Variants in PLCH1 observed in about 807,000 individuals in gnomAD.
The protein encoded by PLCH1 is 1-phosphatidylinositol 4,5-bisphosphate phosphodiesterase eta-1.
A neutral mutation model predicts 126.7 loss-of-function variants in PLCH1; 60 were observed. The observed-to-expected ratio is 0.47, with a 90% CI of 0.38 to 0.59. PLCH1 has a LOEUF of 0.59. PLCH1 is among the 20% of genes least tolerant of loss of function. PLCH1 has a pLI of 0.00. For synonymous variants in PLCH1, 719 were observed against 734.9 expected, an observed-to-expected ratio of 0.98 and a Z score of 0.35; for missense variants, 1,723 against 2,040.0, an observed-to-expected ratio of 0.84 and a Z score of 2.99.
intron 2 of PLCH1, among the ~76,000 whole-genome samples, chr3:155,634,775 G>C (rs963288129): frequency 1.3e-5 from 2 of 152,158 alleles, no homozygotes; most frequent in Non-Finnish European, 2.9e-5. Flanking sequence ...GGAGAACTGC[G>C]GGCAGAGAAA....
chr3:155,564,821 T>C (rs542147206), intron 8 of PLCH1, 94 bp downstream of exon 8: 53 of 737,886 alleles, frequency 7.2e-5, no homozygotes, highest in South Asian at 5.6e-4. Context: ...TGTGAGAGTG[T>C]GTTTTAGGTC....
rs796130045 is a variant in PLCH1, at chr3:155,524,735, A to G, written c.1363-731T>C. On this transcript the variant is annotated intron_variant, in intron 10 of 22. Transcript: ENST00000460012. ...CAAAAATAGATGACTTGGAACCTGG[A>G]GCCAGGCCCAGTGGCTCACACCTGT... 2.6e-5 allele frequency among the ~76,000 whole-genome samples: 4 copies of G among 152,142 alleles called. No individual in the cohort carries two copies. The South Asian group carries it at 8.3e-4, about 32-fold the overall frequency.
chr3:155,497,256 C>T, intron 15 of PLCH1, 64 bp downstream of exon 15: 3 of 1,161,932 alleles, frequency 2.6e-6, no homozygotes, highest in Non-Finnish European at 3.8e-6. Context: ...AATTCATTAA[C>T]AATTGAAAAA....
Position 155,717,060 on chromosome 3 carries a change from T to C in PLCH1, c.-40-12796A>G, listed in dbSNP as rs573366522. ...CAAAAGAAAGGGGCCACAGGCCCCA[T>C]GCAAGCTCAAAACCCAGCAGGGCAG... is the stretch of plus-strand genomic sequence containing the variant. On this transcript the variant is annotated intron_variant, in intron 1 of 22. Transcript: ENST00000460012. Among the ~76,000 whole-genome samples the C allele has an allele frequency of 1.2e-3, 190 of 152,384 alleles. 1 individual carries two copies. Among genetic ancestry groups the C allele is most frequent in the Non-Finnish European group, 2.2e-3 (147 of 68,036 alleles).
At position 155,682,034 on chromosome 3, in the gene PLCH1, A is replaced by G. The variant is rs1267710227; in HGVS notation, c.79+22112T>C. Reference sequence around the variant, plus strand: ...AATATCTGGTTCTGAAGCAGAGGGTAGCACTATCCATTATTTGGCCTGTGC... The same window carrying G: ...AATATCTGGTTCTGAAGCAGAGGGTGGCACTATCCATTATTTGGCCTGTGC... On this transcript the variant is annotated intron_variant, in intron 2 of 22. Coordinates refer to ENST00000460012, the MANE Select transcript of PLCH1 (RefSeq NM_014996.4). 3.9e-5 allele frequency among the ~76,000 whole-genome samples: 6 copies of G among 152,354 alleles called. No homozygotes were observed. In the East Asian group the frequency reaches 9.6e-4, roughly 25 times the overall value.
chr3:155,477,045 A>C (rs957840342), downstream of PLCH1, among the ~76,000 whole-genome samples: 1 of 152,164 alleles, frequency 6.6e-6, no homozygotes, highest in East Asian at 1.9e-4. Flanking sequence ...ACTGGCATGA[A>C]AACAGACACA....
intron 2 of PLCH1, among the ~76,000 whole-genome samples, chr3:155,608,633 G>A (rs182327614): frequency 2.0e-5 from 3 of 151,934 alleles, no homozygotes; most frequent in Admixed American, 2.0e-4. Flanking sequence ...TGCGCAGTGA[G>A]GCAGCCGTAA....
In PLCH1 at chr3:155,508,653, C is replaced by A. The variant is rs1392406778; in HGVS notation, c.1633-4027G>T. Among the ~76,000 whole-genome samples, 4 of 113,944 alleles carry A rather than the reference C, an allele frequency of 3.5e-5. No individual in the cohort carries two copies. In the East Asian group the frequency reaches 9.9e-4, roughly 28 times the overall value. The allele number at this position is 113,944 out of a possible 152,430, so 74.8% of individuals were successfully genotyped here. On this transcript the variant is annotated intron_variant, in intron 12 of 22. Transcript: ENST00000460012. ...TTGGCTCTGTTTATATGCTGGATTA[C>A]ATTTATTGATTTGCGTATATTGAAC...
rs71624571 is a variant in PLCH1 at position 155,741,684 on chromosome 3, C to CT, written c.-41+3155dup. On this transcript the variant is annotated intron_variant, in intron 1 of 22. Transcript: ENST00000460012. ...TCCTTTTATCATAATTTTATATCCT[C>CT]TTTTTTTTTTTTTTTTTTTTGTTCA... Among the ~76,000 whole-genome samples, 952 of 102,832 alleles carry CT rather than the reference C, an allele frequency of 9.3e-3. 30 individuals carry two copies. The highest frequency in any genetic ancestry group is 0.03 in the East Asian group (107 of 3,566). 67.5% of individuals were successfully genotyped at this position (102,832 alleles called of 152,430 possible).
At chr3:155,486,954 T>C (rs187340850) in intron 21 of PLCH1, 68 of 152,344 alleles carry the variant, frequency 4.5e-4, no homozygotes, top group African/African-American at 1.4e-3. Flanking sequence ...CATTTGTGTC[T>C]ACTTAGATGA....
At chr3:155,453,151 C>T (rs888153663) in intron 21 of PLCH1, among the ~76,000 whole-genome samples, 4 of 152,114 alleles carry the variant, frequency 2.6e-5, no homozygotes, top group Admixed American at 2.0e-4. Context: ...AAGGCATAAT[C>T]TGAATTAAAT....
At chr3:155,648,161 C>T (rs1577234932) in intron 2 of PLCH1, among the ~76,000 whole-genome samples, 1 of 152,108 alleles carries the variant, frequency 6.6e-6, no homozygotes, top group African/African-American at 2.4e-5. Flanking sequence ...CCAGACTATG[C>T]CCACAAGGTC....
chr3:155,537,191 AAAAAAAAAACC>A lies in PLCH1; in HGVS notation c.1362+12585_1362+12595del, dbSNP rs1723485831. ...CCACTACCAAGCTAGCACTACAAAA[AAAAAAAAAACC>A]AAAAAAAAAAAAAAAAAAAAAAAAA... On this transcript the variant is annotated intron_variant, in intron 10 of 22. Transcript: ENST00000460012. 4.4e-3 allele frequency among the ~76,000 whole-genome samples: 76 copies of A among 17,406 alleles called. 1 individual carries two copies. Among genetic ancestry groups the A allele is most frequent in the Admixed American group, 0.028 (60 of 2,132 alleles). The allele number at this position is 17,406 out of a possible 152,430, so 11.4% of individuals were successfully genotyped here.
chr3:155,643,403 G>T (rs1047509329), intron 2 of PLCH1, among the ~76,000 whole-genome samples: 3 of 152,126 alleles, frequency 2.0e-5, no homozygotes, highest in Non-Finnish European at 2.9e-5. Context: ...AGTCTCAGCT[G>T]ATCTGACTAT....
intron 2 of PLCH1, among the ~76,000 whole-genome samples, chr3:155,688,709 G>C (rs920084110): frequency 5.3e-5 from 8 of 152,156 alleles, no homozygotes; most frequent in Non-Finnish European, 1.2e-4. Context: ...CACCACTGCT[G>C]ATGGAAGAGC....
intron 10 of PLCH1, among the ~76,000 whole-genome samples, chr3:155,541,707 A>G (rs2108391601): frequency 6.6e-6 from 1 of 152,326 alleles, no homozygotes; most frequent in African/African-American, 2.4e-5. Flanking sequence ...TTTTAAATAG[A>G]GCAAGAATTA....
chr3:155,612,221 C>G (rs951746462), intron 2 of PLCH1, among the ~76,000 whole-genome samples: 1 of 151,262 alleles, frequency 6.6e-6, no homozygotes, highest in African/African-American at 2.4e-5. Context: ...CCCAGCCACT[C>G]GGGAGGCTGA....
intron 1 of PLCH1, among the ~76,000 whole-genome samples, chr3:155,738,300 A>G (rs1264857418): frequency 6.6e-6 from 1 of 152,184 alleles, no homozygotes; most frequent in Non-Finnish European, 1.5e-5. Context: ...TAGGGAAGAA[A>G]GAAGACCCAG....
In PLCH1 at chr3:155,654,155, T is replaced by G. The variant is rs1294942525; in HGVS notation, c.79+49991A>C. ...TTTCACCCAGCTGAACATACCCTTC[T>G]CCTTGAAACTCTTCCCTCCCATGGC... On this transcript the variant is annotated intron_variant, in intron 2 of 22. Transcript: ENST00000460012. 4.6e-5 allele frequency among the ~76,000 whole-genome samples: 7 copies of G among 151,390 alleles called. No homozygotes were observed. In the East Asian group the frequency reaches 1.4e-3, roughly 29 times the overall value.
Sources: gnomAD v4.1 joint callset for allele counts (sites outside exome capture counted in the v4.1 genomes callset) on GRCh38, gnomAD v4.1.1 for gene constraint, MANE v1.5 for transcripts, NCBI Gene and HGNC (gene_info 2026-07-23, HGNC 2026-07-21) for gene names.